CSNK1G1: variants seen among roughly 807,000 people sequenced by gnomAD.
CSNK1G1 encodes the protein casein kinase 1 gamma 1, also known as casein kinase I isoform gamma-1.
Under a neutral mutation model 59.6 loss-of-function variants are expected in CSNK1G1, and 22 were observed. The ratio of observed to expected loss-of-function variants is 0.37; its 90% CI spans 0.26 to 0.53. The LOEUF is 0.53. Among genes scored for constraint, CSNK1G1 ranks in the 20% least tolerant of loss-of-function variants. CSNK1G1 has a pLI of 0.89. For synonymous variants in CSNK1G1, 179 were observed against 177.1 expected (o/e 1.01, Z -0.08); for missense variants, 384 against 519.5 (o/e 0.74, Z 2.54).
Position 64,169,931 on chromosome 15 carries a change from T to G in CSNK1G1, c.*2000A>C, listed in dbSNP as rs2081645905. The G allele has an allele frequency of 6.6e-6, 1 of 152,128 alleles. No homozygotes were observed. 9.4% of individuals were successfully genotyped at this position (152,128 alleles called of 1,614,324 possible). A position where few individuals can be genotyped will look rare whatever the true frequency, so the allele number is the denominator to read the frequency against. On this transcript the variant is annotated 3_prime_UTR_variant, in exon 12 of 12. Coordinates refer to ENST00000303052, the MANE Select transcript of CSNK1G1 (RefSeq NM_022048.5). ...CTCTGTGTAAGGTACATCAAGGGAA[T>G]TTTTCAAGAAATGGCAACTATCAGA...
At chr15:64,316,090 G>C (rs907954299) in intron 1 of CSNK1G1, among the ~76,000 whole-genome samples, 1 of 152,096 alleles carries the variant, frequency 6.6e-6, no homozygotes, top group Non-Finnish European at 1.5e-5. Context: ...GCAGTAGCAT[G>C]GTCAGAGCTC....
chr15:64,290,316 T>TATACAC (rs1201080874), intron 2 of CSNK1G1, among the ~76,000 whole-genome samples: 4 of 151,442 alleles, frequency 2.6e-5, no homozygotes, highest in Non-Finnish European at 5.9e-5. Context: ...TATATATATA[T>TATACAC]ATACACATAC....
intron 4 of CSNK1G1, among the ~76,000 whole-genome samples, chr15:64,222,589 G>C (rs1472942781): frequency 1.3e-5 from 2 of 150,776 alleles, no homozygotes; most frequent in Non-Finnish European, 2.9e-5. Flanking sequence ...CATATTTTAT[G>C]AAATAACGTG....
intron 2 of CSNK1G1, among the ~76,000 whole-genome samples, chr15:64,279,432 T>A (rs1893998763): frequency 6.6e-6 from 1 of 152,248 alleles, no homozygotes; most frequent in Admixed American, 6.5e-5. Context: ...TCCGTGAGAT[T>A]CATGCACTTT....
At chr15:64,208,889 CTTTT>C (rs201279267) in intron 6 of CSNK1G1, among the ~76,000 whole-genome samples, 4 of 136,618 alleles carry the variant, frequency 2.9e-5, no homozygotes, top group African/African-American at 2.7e-5. Context: ...TTTCTTTTTT[CTTTT>C]TTTTTTTTTT....
chr15:64,285,080 T>C (rs148199688), intron 2 of CSNK1G1, among the ~76,000 whole-genome samples: 3,150 of 152,192 alleles, frequency 0.021, 45 homozygotes, highest in Middle Eastern at 0.054. Flanking sequence ...CAGAGGAAGA[T>C]ACATTTCTTA....
At chr15:64,234,292 A>C (rs2082586871) in intron 4 of CSNK1G1, among the ~76,000 whole-genome samples, 1 of 152,066 alleles carries the variant, frequency 6.6e-6, no homozygotes, top group African/African-American at 2.4e-5. Context: ...TATTATAAAA[A>C]ATAAAATATA....
At chr15:64,201,710 G>A (rs1458332006) in intron 10 of CSNK1G1, among the ~76,000 whole-genome samples, 4 of 80,180 alleles carry the variant, frequency 5.0e-5, no homozygotes, top group Non-Finnish European at 1.1e-4. Context: ...TTGGACATGT[G>A]TGTGTGTGTG....
intron 4 of CSNK1G1, among the ~76,000 whole-genome samples, chr15:64,236,396 C>G (rs753883905): frequency 1.3e-5 from 2 of 152,118 alleles, no homozygotes; most frequent in Non-Finnish European, 2.9e-5. Flanking sequence ...TGCAACTATT[C>G]ATCTGACAGG....
intron 4 of CSNK1G1, among the ~76,000 whole-genome samples, chr15:64,219,427 G>T (rs1194004357): frequency 6.6e-6 from 1 of 152,100 alleles, no homozygotes; most frequent in Non-Finnish European, 1.5e-5. Context: ...TTGTGGCAGC[G>T]CCTGTTGTTT....
chr15:64,301,270 G>C (rs900192929), intron 1 of CSNK1G1, among the ~76,000 whole-genome samples: 1 of 151,450 alleles, frequency 6.6e-6, no homozygotes, highest in Non-Finnish European at 1.5e-5. Context: ...CTAAAGTTCT[G>C]AAAAGCTAAA....
intron 11 of CSNK1G1, among the ~76,000 whole-genome samples, chr15:64,174,848 C>G (rs2081722751): frequency 6.6e-6 from 1 of 152,146 alleles, no homozygotes; most frequent in South Asian, 2.1e-4. Context: ...TTTACAAGGA[C>G]TTCTTTGACC....
intron 4 of CSNK1G1, among the ~76,000 whole-genome samples, chr15:64,230,993 TAATAA>T (rs1348753483): frequency 6.6e-6 from 1 of 151,010 alleles, no homozygotes; most frequent in African/African-American, 2.4e-5. Flanking sequence ...AATAAATAAA[TAATAA>T]AATAAAATAA....
intron 2 of CSNK1G1, among the ~76,000 whole-genome samples, chr15:64,293,558 C>T (rs1036122276): frequency 6.6e-6 from 1 of 152,172 alleles, no homozygotes; most frequent in Non-Finnish European, 1.5e-5. Context: ...TGCAAACGTA[C>T]ATATCCTTTG....
intron 4 of CSNK1G1, among the ~76,000 whole-genome samples, chr15:64,232,640 G>A (rs868473648): frequency 1.3e-5 from 2 of 152,258 alleles, no homozygotes; most frequent in Middle Eastern, 3.4e-3. Flanking sequence ...GAAGAAGAGT[G>A]ACTAAGGGCT....
chr15:64,351,925 CAG>C (rs1224502079), intron 1 of CSNK1G1, among the ~76,000 whole-genome samples: 2 of 152,126 alleles, frequency 1.3e-5, no homozygotes, highest in African/African-American at 2.4e-5. Flanking sequence ...GAGAAGAAGA[CAG>C]GGGAAAAAGT....
In CSNK1G1 at chr15:64,188,207, T is replaced by G. The variant is rs1477507306; in HGVS notation, c.1108-7753A>C. ...CAATGACAACAGGAAGTAATCATTT[T>G]AACAAGCGACTCTTACCCAAGTCCA... On this transcript the variant is annotated intron_variant, in intron 10 of 11. Transcript: ENST00000303052. The surrounding 1 kb of genome is among the most constrained non-coding windows in gnomAD (Gnocchi z 4.2). Among the ~76,000 whole-genome samples, 2 of 152,188 alleles carry G rather than the reference T, an allele frequency of 1.3e-5. No homozygotes were observed. The highest frequency in any genetic ancestry group is 2.9e-5 in the Non-Finnish European group (2 of 68,026).
At chr15:64,240,462 T>C (rs1033387230) in intron 4 of CSNK1G1, among the ~76,000 whole-genome samples, 4 of 152,016 alleles carry the variant, frequency 2.6e-5, no homozygotes, top group African/African-American at 9.7e-5. Context: ...CCAAATATAT[T>C]TAACCCAAAA....
At chr15:64,299,607 T>G (rs538296099) in intron 2 of CSNK1G1, among the ~76,000 whole-genome samples, 64 of 150,568 alleles carry the variant, frequency 4.3e-4, no homozygotes, top group African/African-American at 1.5e-3. Context: ...AAAAAAAATT[T>G]TATATATATA....
Sources: gnomAD v4.1 joint callset for allele counts (sites outside exome capture counted in the v4.1 genomes callset) on GRCh38, gnomAD v4.1.1 for gene constraint, Gnocchi (gnomAD v3.1) non-coding constraint, MANE v1.5 for transcripts, NCBI Gene and HGNC (gene_info 2026-07-23, HGNC 2026-07-21) for gene names.